The following AUTS2 variants were observed in gnomAD, a reference collection of about 807,000 sequenced individuals.
AUTS2 encodes the protein activator of transcription and developmental regulator AUTS2.
Under a neutral mutation model 112.4 loss-of-function variants are expected in AUTS2, and 17 were observed. The observed-to-expected ratio is 0.15, with a 90% CI of 0.10 to 0.23. AUTS2 has a LOEUF of 0.23. AUTS2 is among the 10% of genes least tolerant of loss of function. AUTS2 has a pLI of 1.00. For missense variants in AUTS2, 1,510 were observed against 1,701.6 expected (o/e 0.89, Z 1.98); for synonymous variants, 751 against 702.7 (o/e 1.07, Z -1.09).
chr7:70,276,992 G>A (rs546039224), intron 4 of AUTS2, among the ~76,000 whole-genome samples: 1 of 152,282 alleles, frequency 6.6e-6, no homozygotes, highest in South Asian at 2.1e-4. Context: ...ATAGCAACAG[G>A]GCATTCTTGG....
intron 6 of AUTS2, among the ~76,000 whole-genome samples, chr7:70,708,326 A>C (rs1809849484): frequency 6.6e-6 from 1 of 152,178 alleles, no homozygotes; most frequent in African/African-American, 2.4e-5. Flanking sequence ...TAGTTTGACA[A>C]GGGGTCTTCT....
At position 70,662,136 on chromosome 7, in the gene AUTS2, C is replaced by G. The variant is rs562986263; in HGVS notation, c.691-36433C>G. On this transcript the variant is annotated intron_variant, in intron 5 of 18. Coordinates refer to ENST00000342771, the MANE Select transcript of AUTS2 (RefSeq NM_015570.4). The stretch of plus-strand genomic sequence containing the variant: ...AGGCAGCTGCGCTGACACAGCTGTC[C>G]CTTTGAAAGTTGGCCCCGAGTGGGA... Among the ~76,000 whole-genome samples the G allele has an allele frequency of 2.3e-3, 355 of 152,360 alleles. 1 individual carries two copies. Among genetic ancestry groups the G allele is most frequent in the Non-Finnish European group, 3.5e-3 (237 of 68,036 alleles).
chr7:69,710,880 A>G (rs1351379311), intron 1 of AUTS2, among the ~76,000 whole-genome samples: 1 of 152,176 alleles, frequency 6.6e-6, no homozygotes, highest in Non-Finnish European at 1.5e-5. Flanking sequence ...TGTGCCCACC[A>G]TCTCAGAGAC....
intron 5 of AUTS2, among the ~76,000 whole-genome samples, chr7:70,684,030 G>GT (rs1808335396): frequency 6.6e-6 from 1 of 151,954 alleles, no homozygotes; most frequent in Non-Finnish European, 1.5e-5. Flanking sequence ...CCCAGCAAGT[G>GT]TATGATTCCC....
intron 4 of AUTS2, among the ~76,000 whole-genome samples, chr7:70,245,353 G>A (rs998625457): frequency 6.6e-6 from 1 of 151,878 alleles, no homozygotes; most frequent in Non-Finnish European, 1.5e-5. Flanking sequence ...AAAGACCCAT[G>A]ATGGAAACTG....
intron 2 of AUTS2, among the ~76,000 whole-genome samples, chr7:69,924,809 C>T (rs1795944604): frequency 6.6e-6 from 1 of 152,152 alleles, no homozygotes; most frequent in South Asian, 2.1e-4. Context: ...CCTCTGCCTC[C>T]CAAAGTGCTG....
At chr7:70,656,016 G>A (rs576582197) in intron 5 of AUTS2, among the ~76,000 whole-genome samples, 4 of 152,162 alleles carry the variant, frequency 2.6e-5, no homozygotes, top group South Asian at 2.1e-4. Flanking sequence ...CGAGCTTGCC[G>A]AGTCTTTTGG....
At chr7:70,377,330 AT>A (rs1793140617) in intron 4 of AUTS2, among the ~76,000 whole-genome samples, 32 of 23,094 alleles carry the variant, frequency 1.4e-3, no homozygotes, top group Non-Finnish European at 2.1e-3. Context: ...ATATAAATAT[AT>A]ATATATATAT....
At chr7:70,768,520 A>G (rs1790082580) in intron 10 of AUTS2, among the ~76,000 whole-genome samples, 1 of 152,220 alleles carries the variant, frequency 6.6e-6, no homozygotes. Context: ...CATTTGCTCT[A>G]GACTAAATGT....
At chr7:69,959,192 C>T (rs1053221662) in intron 2 of AUTS2, among the ~76,000 whole-genome samples, 3 of 152,092 alleles carry the variant, frequency 2.0e-5, no homozygotes, top group African/African-American at 7.2e-5. Flanking sequence ...TCTTTACCTT[C>T]CTGTTTTTCA....
intron 6 of AUTS2, among the ~76,000 whole-genome samples, chr7:70,712,193 CTTTTTTTTTTTTTT>C (rs67326941): frequency 4.0e-4 from 18 of 45,176 alleles, no homozygotes; most frequent in African/African-American, 1.3e-3. Flanking sequence ...GCCTGGCTCA[CTTTTTTTTTTTTTT>C]TTTTTTTTTT....
At chr7:69,945,020 A>G (rs1796755753) in intron 2 of AUTS2, among the ~76,000 whole-genome samples, 1 of 152,240 alleles carries the variant, frequency 6.6e-6, no homozygotes, top group Non-Finnish European at 1.5e-5. Context: ...TCTCTGCTGT[A>G]CTAGCTGTGT....
intron 5 of AUTS2, among the ~76,000 whole-genome samples, chr7:70,656,719 C>T (rs1176835375): frequency 6.6e-6 from 1 of 152,212 alleles, no homozygotes; most frequent in Non-Finnish European, 1.5e-5. Flanking sequence ...GTTTCTAGCA[C>T]TTAAGTTCCA....
At position 70,766,013 on chromosome 7, in the gene AUTS2, C is replaced by G; in HGVS notation, c.1469-101C>G. On this transcript the variant is annotated intron_variant, in intron 8 of 18. Coordinates refer to ENST00000342771, the MANE Select transcript of AUTS2 (RefSeq NM_015570.4). The surrounding 1 kb of genome is among the most constrained non-coding windows in gnomAD (Gnocchi z 4.8). Reference sequence around the variant, plus strand: ...AGGGCCCAGCCACACCCTGTCACCCCTGCCACTGTGTCACCAGCCCCGTAC... The same window carrying G: ...AGGGCCCAGCCACACCCTGTCACCCGTGCCACTGTGTCACCAGCCCCGTAC... 6 of 1,516,204 alleles carry G rather than the reference C, an allele frequency of 4.0e-6. No individual in the cohort carries two copies. Among genetic ancestry groups the G allele is most frequent in the Non-Finnish European group, 5.3e-6 (6 of 1,130,360 alleles). 93.9% of individuals were successfully genotyped at this position (1,516,204 alleles called of 1,614,324 possible).
At chr7:69,727,815 CT>C (rs1403856974) in intron 1 of AUTS2, among the ~76,000 whole-genome samples, 1 of 152,030 alleles carries the variant, frequency 6.6e-6, no homozygotes, top group Non-Finnish European at 1.5e-5. Flanking sequence ...AGGCCCTTTT[CT>C]TTTTTATATA....
intron 1 of AUTS2, among the ~76,000 whole-genome samples, chr7:69,670,009 G>A (rs973422139): frequency 1.3e-5 from 2 of 152,100 alleles, no homozygotes; most frequent in African/African-American, 4.8e-5. Context: ...GGATCCAAAT[G>A]TTTTTGCTTA....
chr7:70,619,377 G>A (rs566789222), intron 5 of AUTS2, among the ~76,000 whole-genome samples: 21 of 152,062 alleles, frequency 1.4e-4, no homozygotes, highest in African/African-American at 3.6e-4. Flanking sequence ...GCGTGCAGCC[G>A]CTTCCTTTTT....
chr7:69,970,636 G>C (rs1293685730), intron 2 of AUTS2, among the ~76,000 whole-genome samples: 1 of 152,054 alleles, frequency 6.6e-6, no homozygotes, highest in Non-Finnish European at 1.5e-5. Context: ...CCCTGCTAGA[G>C]GTATCTTAAA....
chr7:69,872,968 G>A (rs577432086), intron 1 of AUTS2, among the ~76,000 whole-genome samples: 93 of 146,050 alleles, frequency 6.4e-4, no homozygotes, highest in Non-Finnish European at 1.1e-3. Flanking sequence ...TCAGCCTCCC[G>A]AGTAGCTGGG....
Sources: allele counts gnomAD v4.1 joint callset (sites outside exome capture counted in the v4.1 genomes callset), GRCh38; gene constraint gnomAD v4.1.1; non-coding constraint Gnocchi (gnomAD v3.1); transcripts MANE v1.5; gene names NCBI Gene and HGNC (gene_info 2026-07-23, HGNC 2026-07-21).